AKT3: variants seen among roughly 807,000 people sequenced by gnomAD.
AKT3 encodes the protein RAC-gamma serine/threonine-protein kinase.
Under a neutral mutation model 65.3 loss-of-function variants are expected in AKT3, and 15 were observed. That is an observed-to-expected ratio of 0.23 (90% CI 0.15 to 0.35). The LOEUF (loss-of-function observed/expected upper bound fraction) is 0.35. Among genes scored for constraint, AKT3 ranks in the 10% least tolerant of loss-of-function variants. The probability of loss-of-function intolerance (pLI) is 1.00; values close to 1 mark genes in which losing one functional copy is unlikely to be tolerated. For missense variants in AKT3, 243 were observed against 576.5 expected (o/e 0.42, Z 5.92); for synonymous variants, 206 against 183.8 (o/e 1.12, Z -0.98).
intron 2 of AKT3, among the ~76,000 whole-genome samples, chr1:243,783,765 A>G (rs1365160113): frequency 6.6e-6 from 1 of 152,226 alleles, no homozygotes; most frequent in Admixed American, 6.5e-5. Flanking sequence ...ATAATAACTT[A>G]GTCAACATTT....
chr1:243,707,736 A>T (rs1685892549), intron 2 of AKT3, among the ~76,000 whole-genome samples: 1 of 152,122 alleles, frequency 6.6e-6, no homozygotes. Flanking sequence ...ACAAAAATTA[A>T]TCATCATCTA....
rs553553344 is a variant in AKT3 at position 243,671,200 on chromosome 1, C to T, written c.173-6317G>A. Among the ~76,000 whole-genome samples the T allele has an allele frequency of 1.5e-3, 224 of 151,928 alleles. 1 individual carries two copies. Among genetic ancestry groups the T allele is most frequent in the African/African-American group, 5.2e-3 (217 of 41,432 alleles). On this transcript the variant is annotated intron_variant, in intron 3 of 13. Transcript: ENST00000673466. ...TCATGCCATTCTCCTGCCTCAGCCT[C>T]CTGAGTAGCTGGGACTACAGGTGGC...
intron 8 of AKT3, among the ~76,000 whole-genome samples, chr1:243,598,571 C>A (rs931887689): frequency 6.6e-6 from 1 of 152,134 alleles, no homozygotes; most frequent in African/African-American, 2.4e-5. Flanking sequence ...TGTACTCCCA[C>A]GGTTTAGTAA....
chr1:243,628,054 G>A (rs1448714492), intron 6 of AKT3, among the ~76,000 whole-genome samples: 1 of 152,172 alleles, frequency 6.6e-6, no homozygotes, highest in Non-Finnish European at 1.5e-5. Flanking sequence ...AGTAACCACT[G>A]GGACCATGGG....
At chr1:243,765,324 A>C (rs1260855254) in intron 2 of AKT3, among the ~76,000 whole-genome samples, 1 of 152,124 alleles carries the variant, frequency 6.6e-6, no homozygotes, top group Non-Finnish European at 1.5e-5. Flanking sequence ...CCTTACCACC[A>C]AACTTTCAAA....
At chr1:243,546,345 G>A (rs548987475) in intron 11 of AKT3, among the ~76,000 whole-genome samples, 3 of 152,092 alleles carry the variant, frequency 2.0e-5, no homozygotes, top group Non-Finnish European at 4.4e-5. Context: ...AGAAATTTCA[G>A]TGTTTTCTGG....
In AKT3 at chr1:243,583,168, GTGTA is replaced by G. The variant is rs1417361473; in HGVS notation, c.697-10124_697-10121del. 6.2e-5 allele frequency among the ~76,000 whole-genome samples: 7 copies of G among 113,260 alleles called. 1 individual carries two copies. The highest frequency in any genetic ancestry group is 2.4e-4 in the African/African-American group (7 of 28,632). 74.3% of individuals were successfully genotyped at this position (113,260 alleles called of 152,430 possible). A position where few individuals can be genotyped will look rare whatever the true frequency, so the allele number is the denominator to read the frequency against. ...ATCTCTCTCTTCCATGTATATGTGT[GTGTA>G]TATATATATATATATATATATATAC... On this transcript the variant is annotated intron_variant, in intron 8 of 13. Transcript: ENST00000673466.
At chr1:243,740,715 G>A (rs967205157) in intron 2 of AKT3, 1 of 152,124 alleles carries the variant, frequency 6.6e-6, no homozygotes, top group Non-Finnish European at 1.5e-5. Context: ...TATATTACCT[G>A]AAGAGTGCTT....
At chr1:243,606,628 C>T (rs929262315) in intron 8 of AKT3, among the ~76,000 whole-genome samples, 3 of 152,158 alleles carry the variant, frequency 2.0e-5, no homozygotes, top group Non-Finnish European at 2.9e-5. Context: ...AAAGAAAAAC[C>T]CATTTTGTGG....
intron 3 of AKT3, among the ~76,000 whole-genome samples, chr1:243,686,691 A>C (rs1558719763): frequency 1.4e-5 from 1 of 71,236 alleles, no homozygotes; most frequent in African/African-American, 5.3e-5. Flanking sequence ...TTTTTGAGAC[A>C]AAGTCTTGCT....
chr1:243,506,629 T>C (rs978979926), intron 13 of AKT3, among the ~76,000 whole-genome samples: 5 of 152,244 alleles, frequency 3.3e-5, no homozygotes, highest in Non-Finnish European at 7.3e-5. Flanking sequence ...AAGCTGGCAT[T>C]AGCCAAAATT....
At chr1:243,576,236 C>T (rs1336158909) in intron 8 of AKT3, among the ~76,000 whole-genome samples, 1 of 152,094 alleles carries the variant, frequency 6.6e-6, no homozygotes, top group African/African-American at 2.4e-5. Context: ...GAACATACAT[C>T]AAAATAATAA....
chr1:243,844,567 T>A, intron 1 of AKT3, among the ~76,000 whole-genome samples: 1 of 152,078 alleles, frequency 6.6e-6, no homozygotes, highest in South Asian at 2.1e-4. Flanking sequence ...CAGCCTCCAA[T>A]GGGGGTCAAG....
chr1:243,676,914 T>C (rs566461952), intron 3 of AKT3, among the ~76,000 whole-genome samples: 13 of 152,352 alleles, frequency 8.5e-5, no homozygotes, highest in Non-Finnish European at 1.6e-4. Flanking sequence ...ATACTACTAG[T>C]AAGATGAGTC....
chr1:243,644,742 A>G (rs1680679041), intron 5 of AKT3, among the ~76,000 whole-genome samples: 1 of 152,144 alleles, frequency 6.6e-6, no homozygotes, highest in African/African-American at 2.4e-5. Flanking sequence ...ACTTAACCAT[A>G]TCAGATTTAC....
intron 2 of AKT3, among the ~76,000 whole-genome samples, chr1:243,771,500 C>G (rs138038364): frequency 1.7e-3 from 253 of 152,258 alleles, no homozygotes; most frequent in Non-Finnish European, 2.9e-3. Flanking sequence ...TTAATTCTTG[C>G]TGTAATAATT....
intron 2 of AKT3, among the ~76,000 whole-genome samples, chr1:243,790,281 A>G (rs12142652): frequency 0.51 from 77,796 of 152,138 alleles, 23,745 homozygotes; most frequent in Non-Finnish European, 0.68. Flanking sequence ...ACCTTCATCA[A>G]TGATCTTCGC....
In AKT3 at chr1:243,512,446, G is replaced by C. The variant is rs759098115; in HGVS notation, c.1252-20C>G. On this transcript the variant is annotated intron_variant, in intron 12 of 13. Coordinates refer to ENST00000673466, the MANE Select transcript of AKT3 (RefSeq NM_005465.7). ...TACAAGCTGTAAAAAGAAAGAAAAA[G>C]AGTTTTATTAACTGATTTCAATTCA... The C allele has an allele frequency of 7.7e-6, 11 of 1,423,444 alleles. No individual in the cohort carries two copies. In the Admixed American group the frequency reaches 1.7e-4, roughly 22 times the overall value. 88.2% of individuals were successfully genotyped at this position (1,423,444 alleles called of 1,614,324 possible). A position where few individuals can be genotyped will look rare whatever the true frequency, so the allele number is the denominator to read the frequency against.
chr1:243,693,157 A>G (rs1427418652), intron 3 of AKT3, among the ~76,000 whole-genome samples: 1 of 148,116 alleles, frequency 6.8e-6, no homozygotes. Flanking sequence ...AAATTTCATT[A>G]AAACCCATAT....
Sources: gnomAD v4.1 joint callset for allele counts (sites outside exome capture counted in the v4.1 genomes callset) on GRCh38, gnomAD v4.1.1 for gene constraint, MANE v1.5 for transcripts, NCBI Gene and HGNC (gene_info 2026-07-23, HGNC 2026-07-21) for gene names.